The following A2M variants were observed in gnomAD, a reference collection of about 807,000 sequenced individuals.
The protein encoded by A2M is alpha-2-macroglobulin, also known as C3 and PZP-like alpha-2-macroglobulin domain-containing protein 5.
A2M carries 128 observed loss-of-function variants against 183.9 expected under a neutral mutation model. The observed-to-expected ratio is 0.70, with a 90% CI of 0.60 to 0.81. The LOEUF (loss-of-function observed/expected upper bound fraction) is 0.81. A2M is among the 30% of genes least tolerant of loss of function. A2M has a pLI of 0.00. For missense variants in A2M, 1,495 were observed against 1,787.6 expected (o/e 0.84, Z 2.95); for synonymous variants, 592 against 670.8 (o/e 0.88, Z 1.81).
chr12:9,080,225 A>T, intron 22 of A2M, 48 bp from the exon 23 acceptor site: 1 of 1,323,034 alleles, frequency 7.6e-7, no homozygotes, highest in South Asian at 1.3e-5. Flanking sequence ...TCTGCATTAT[A>T]TCTTTCTAAA....
intron 29 of A2M, 36 bp from the exon 30 acceptor site, chr12:9,072,907 C>T (rs757663737): frequency 1.3e-6 from 2 of 1,562,302 alleles, no homozygotes; most frequent in Admixed American, 3.5e-5. Context: ...ACCCATTGGG[C>T]ATTATAAGGC....
intron 22 of A2M, among the ~76,000 whole-genome samples, chr12:9,087,784 A>C (rs888875619): frequency 1.3e-5 from 2 of 152,110 alleles, no homozygotes; most frequent in Non-Finnish European, 2.9e-5. Flanking sequence ...TTACAATGTA[A>C]TTAAAGAACA....
At position 9,115,893 on chromosome 12, in the gene A2M, C is replaced by T. The variant is rs779466600; in HGVS notation, c.-44G>A. ...TGGAGGAGAACAGACTGTATTGTAC[C>T]CTACTCCCTACAATCCATCTGGTCC... On this transcript the variant is annotated 5_prime_UTR_variant, in exon 1 of 36. Transcript: ENST00000318602. 2.0e-6 allele frequency: 3 copies of T among 1,478,422 alleles called. No individual in the cohort carries two copies. The highest frequency in any genetic ancestry group is 2.8e-6 in the Non-Finnish European group (3 of 1,057,644). 91.6% of individuals were successfully genotyped at this position (1,478,422 alleles called of 1,614,324 possible). A position where few individuals can be genotyped will look rare whatever the true frequency, so the allele number is the denominator to read the frequency against.
chr12:9,069,820 A>T lies in A2M; in HGVS notation c.4195-7T>A. 6.2e-7 allele frequency: 1 copy of T among 1,613,252 alleles called. No homozygotes were observed. Among genetic ancestry groups the T allele is most frequent in the Non-Finnish European group, 8.5e-7 (1 of 1,179,386 alleles). On this transcript the variant is annotated splice_region_variant and splice_polypyrimidine_tract_variant and intron_variant, in intron 32 of 35. Transcript: ENST00000318602. ...CATGGTTAGATCTTTCAAGCTGAAG[A>T]AAATTGAAATACCACAAATGTTAAT...
In A2M at chr12:9,080,119, A is replaced by G; in HGVS notation, c.2829T>C (p.Ser943=). The change falls in exon 23 of 36, where the codon TCT becomes TCC. Residue 943 remains serine (S), a synonymous_variant. Coordinates refer to ENST00000318602, the MANE Select transcript of A2M (RefSeq NM_000014.6). ...LKLPPNVVEE[S]ARASVSVLGD... is the part of the protein sequence containing the mutation. The stretch of plus-strand genomic sequence containing the variant: ...CCAAAACTGAGACAGAAGCTCGGGC[A>G]GATTCTTCTACCACATTTGGTGGCA... 1.9e-6 allele frequency: 3 copies of G among 1,589,968 alleles called. No individual in the cohort carries two copies. Among genetic ancestry groups the G allele is most frequent in the South Asian group, 1.2e-5 (1 of 86,778 alleles).
At chr12:9,090,080 A>C in intron 20 of A2M, 57 bp from the exon 21 acceptor site, 2 of 1,556,578 alleles carry the variant, frequency 1.3e-6, no homozygotes, top group Non-Finnish European at 1.7e-6. Flanking sequence ...CATGCCTCCA[A>C]ACTCAAGATT....
chr12:9,091,867 C>T (rs775112804), intron 18 of A2M, among the ~76,000 whole-genome samples: 143 of 152,282 alleles, frequency 9.4e-4, no homozygotes, highest in African/African-American at 3.3e-3. Context: ...TCCTTATGCC[C>T]ATTTTCTGGA....
At chr12:9,097,781 C>T (rs922317919) in intron 15 of A2M, among the ~76,000 whole-genome samples, 22 of 151,984 alleles carry the variant, frequency 1.4e-4, no homozygotes, top group African/African-American at 4.8e-4. Flanking sequence ...GACAGGCGCC[C>T]GCCACCACGT....
At chr12:9,094,303 A>G (rs1225806647) in intron 17 of A2M, among the ~76,000 whole-genome samples, 1 of 147,588 alleles carries the variant, frequency 6.8e-6, no homozygotes, top group Non-Finnish European at 1.5e-5. Context: ...GTGCTGGTCA[A>G]TATTTCACAA....
At chr12:9,091,125 T>C in intron 19 of A2M, 76 bp downstream of exon 19, 2 of 1,497,908 alleles carry the variant, frequency 1.3e-6, no homozygotes, top group Non-Finnish European at 1.8e-6. Context: ...TACAAGAGTT[T>C]GCAGTATTCC....
intron 11 of A2M, among the ~76,000 whole-genome samples, chr12:9,102,258 C>T (rs1327453105): frequency 1.3e-5 from 2 of 152,138 alleles, no homozygotes; most frequent in Non-Finnish European, 2.9e-5. Context: ...CTCTGGCGCC[C>T]ATGCTGGAGT....
At chr12:9,106,973 C>T (rs1346837735) in intron 8 of A2M, among the ~76,000 whole-genome samples, 1 of 152,114 alleles carries the variant, frequency 6.6e-6, no homozygotes. Context: ...ATTTAGGGTG[C>T]CTACCAACTC....
At chr12:9,108,842 T>G (rs1938505878) in intron 7 of A2M, among the ~76,000 whole-genome samples, 1 of 152,218 alleles carries the variant, frequency 6.6e-6, no homozygotes. Flanking sequence ...AGATGAGATT[T>G]CAGTTGTATG....
At chr12:9,114,030 C>T (rs1938940965) in intron 1 of A2M, among the ~76,000 whole-genome samples, 1 of 152,190 alleles carries the variant, frequency 6.6e-6, no homozygotes, top group Admixed American at 6.5e-5. Context: ...CTCGCTTCCA[C>T]TCCACAGATA....
chr12:9,107,764 G>A, intron 7 of A2M, 120 bp from the exon 8 acceptor site: 1 of 1,148,386 alleles, frequency 8.7e-7, no homozygotes, highest in Non-Finnish European at 1.2e-6. Flanking sequence ...TCTGCTCTCT[G>A]CTGGGCTCAC....
intron 6 of A2M, 91 bp from the exon 7 acceptor site, chr12:9,109,496 T>C: frequency 2.1e-6 from 2 of 943,620 alleles, no homozygotes; most frequent in Non-Finnish European, 3.4e-6. Context: ...TCCCTAATAA[T>C]ATTTTAGGGC....
At chr12:9,092,410 G>C (rs911167944) in intron 18 of A2M, among the ~76,000 whole-genome samples, 1 of 147,690 alleles carries the variant, frequency 6.8e-6, no homozygotes, top group Non-Finnish European at 1.5e-5. Context: ...GTGGCTACCC[G>C]CCCCCACCAC....
chr12:9,074,492 T>G, intron 29 of A2M, 68 bp downstream of exon 29: 1 of 1,443,932 alleles, frequency 6.9e-7, no homozygotes, highest in Non-Finnish European at 9.5e-7. Context: ...TTGGATGTGT[T>G]TGTTTCTTTT....
chr12:9,110,339 A>G lies in A2M; in HGVS notation c.484-5T>C, dbSNP rs989863167. 6 of 1,419,744 alleles carry G rather than the reference A, an allele frequency of 4.2e-6. No homozygotes were observed. In the African/African-American group the frequency reaches 8.8e-5, roughly 21 times the overall value. The allele number at this position is 1,419,744 out of a possible 1,614,324, so 87.9% of individuals were successfully genotyped here. Reference sequence around the variant, plus strand: ...CTGAATGTATACTAGTGGAATCTGAAAGACAAAAGAAAAAAGAAGTTTATA... The same window carrying G: ...CTGAATGTATACTAGTGGAATCTGAGAGACAAAAGAAAAAAGAAGTTTATA... On this transcript the variant is annotated splice_polypyrimidine_tract_variant and splice_region_variant and intron_variant, in intron 4 of 35. Transcript: ENST00000318602.
Sources: allele counts gnomAD v4.1 joint callset (sites outside exome capture counted in the v4.1 genomes callset), GRCh38; gene constraint gnomAD v4.1.1; transcripts MANE v1.5; gene names NCBI Gene and HGNC (gene_info 2026-07-23, HGNC 2026-07-21).